CIMAP3: variants seen among roughly 807,000 people sequenced by gnomAD.
CIMAP3 encodes the protein ciliary microtubule associated protein 3.
the CIMAP3 span, among the ~76,000 whole-genome samples, chr1:111,341,474 G>A: frequency 1.3e-5 from 2 of 152,308 alleles, no homozygotes; most frequent in African/African-American, 2.4e-5. Context: ...GTGGACAAAT[G>A]TGGGCCTGGG....
the CIMAP3 span, among the ~76,000 whole-genome samples, chr1:111,335,694 C>A: frequency 3.3e-5 from 5 of 152,334 alleles, no homozygotes; most frequent in East Asian, 9.6e-4. Context: ...CAAAGCAGTC[C>A]GGAAGCTCGA....
At chr1:111,346,813 T>G in the CIMAP3 span, 1 of 1,574,830 alleles carries the variant, frequency 6.3e-7, no homozygotes, top group Non-Finnish European at 8.7e-7. Context: ...GGTTGGGCCC[T>G]GTCCTCTGCT....
the CIMAP3 span, among the ~76,000 whole-genome samples, chr1:111,328,894 T>TG: frequency 6.6e-6 from 1 of 152,246 alleles, no homozygotes; most frequent in East Asian, 1.9e-4. Context: ...ATCATTGTGC[T>TG]GTTAGCTGGT....
the CIMAP3 span, chr1:111,348,644 C>G: frequency 6.3e-7 from 1 of 1,588,530 alleles, no homozygotes; most frequent in Non-Finnish European, 8.5e-7. Flanking sequence ...CTTACTATCC[C>G]AGGTATGTCT....
the CIMAP3 span, among the ~76,000 whole-genome samples, chr1:111,347,278 A>G: frequency 2.0e-5 from 3 of 152,190 alleles, no homozygotes; most frequent in African/African-American, 7.2e-5. Flanking sequence ...CTAGCTTCAT[A>G]AAATCCCTAC....
chr1:111,326,707 A>G, the CIMAP3 span, among the ~76,000 whole-genome samples: 1 of 152,156 alleles, frequency 6.6e-6, no homozygotes, highest in Non-Finnish European at 1.5e-5. Context: ...CATTTCTGCC[A>G]ACAATATATA....
the CIMAP3 span, among the ~76,000 whole-genome samples, chr1:111,336,554 G>A: frequency 6.6e-6 from 1 of 152,202 alleles, no homozygotes; most frequent in African/African-American, 2.4e-5. Context: ...GAAGAATGCA[G>A]AAGACTCAGG....
chr1:111,335,740 C>T, the CIMAP3 span, among the ~76,000 whole-genome samples: 1 of 152,366 alleles, frequency 6.6e-6, no homozygotes, highest in Non-Finnish European at 1.5e-5. Flanking sequence ...AGGAGGCCTG[C>T]CTGCCTCTGT....
At chr1:111,348,498 T>C in the CIMAP3 span, 1 of 1,586,656 alleles carries the variant, frequency 6.3e-7, no homozygotes, top group Non-Finnish European at 8.5e-7. Context: ...AACATAATGA[T>C]CTTTTTCTTG....
chr1:111,332,630 C>T, the CIMAP3 span, among the ~76,000 whole-genome samples: 1 of 152,140 alleles, frequency 6.6e-6, no homozygotes. Context: ...GGTTCAAGGT[C>T]TACTTGGCTG....
chr1:111,338,807 C>T, the CIMAP3 span, among the ~76,000 whole-genome samples: 1 of 152,086 alleles, frequency 6.6e-6, no homozygotes, highest in Non-Finnish European at 1.5e-5. Context: ...CCTTCTGAAA[C>T]TATTCCAATC....
the CIMAP3 span, chr1:111,351,166 GTTTTTTTTTTTTT>G: frequency 3.5e-6 from 2 of 574,738 alleles, no homozygotes; most frequent in Non-Finnish European, 5.9e-6. Flanking sequence ...ATAATGTACA[GTTTTTTTTTTTTT>G]TTTTTTTGCA....
chr1:111,341,349 AAAGTAT>A, the CIMAP3 span, among the ~76,000 whole-genome samples: 1 of 151,902 alleles, frequency 6.6e-6, no homozygotes, highest in African/African-American at 2.4e-5. Context: ...CCTAAAACTT[AAAGTAT>A]AATAATAAAA....
chr1:111,332,615 ATG>A, the CIMAP3 span, among the ~76,000 whole-genome samples: 9 of 152,154 alleles, frequency 5.9e-5, no homozygotes, highest in Admixed American at 1.3e-4. Flanking sequence ...CAGGTCTGGC[ATG>A]TAGGTTCAAG....
At chr1:111,341,068 G>A in the CIMAP3 span, among the ~76,000 whole-genome samples, 2 of 151,248 alleles carry the variant, frequency 1.3e-5, no homozygotes, top group Non-Finnish European at 3.0e-5. Flanking sequence ...GGACATGGAT[G>A]AAATTGGAAA....
the CIMAP3 span, chr1:111,350,362 G>A: frequency 3.0e-5 from 20 of 677,138 alleles, no homozygotes; most frequent in Middle Eastern, 7.1e-4. Context: ...AATTTTGTGT[G>A]TATATGAATC....
the CIMAP3 span, chr1:111,348,428 G>C: frequency 7.8e-7 from 1 of 1,274,062 alleles, no homozygotes; most frequent in Non-Finnish European, 1.1e-6. Context: ...ACAGAAAGAG[G>C]ATGATTCTGT....
the CIMAP3 span, among the ~76,000 whole-genome samples, chr1:111,350,511 G>T: frequency 6.6e-6 from 1 of 152,128 alleles, no homozygotes; most frequent in Admixed American, 6.5e-5. Context: ...CACAATAGAG[G>T]CCCAGATGGA....
At chr1:111,347,427 T>C in the CIMAP3 span, among the ~76,000 whole-genome samples, 1 of 152,102 alleles carries the variant, frequency 6.6e-6, no homozygotes, top group African/African-American at 2.4e-5. Flanking sequence ...TATGGCAATG[T>C]CCTATAGTCT....
Sources: allele counts gnomAD v4.1 joint callset (sites outside exome capture counted in the v4.1 genomes callset), GRCh38; gene constraint gnomAD v4.1.1; transcripts MANE v1.5; gene names NCBI Gene and HGNC (gene_info 2026-07-23, HGNC 2026-07-21).